SLC14A2: variants seen among roughly 807,000 people sequenced by gnomAD.
SLC14A2 encodes the protein solute carrier family 14 member 2.
Under a neutral mutation model 104.6 loss-of-function variants are expected in SLC14A2, and 91 were observed. The ratio of observed to expected loss-of-function variants is 0.87; its 90% CI spans 0.73 to 1.04. The LOEUF is 1.04. SLC14A2 is among the 50% of genes least tolerant of loss of function. The pLI, the probability that SLC14A2 is intolerant of heterozygous loss-of-function variation, is 0.00. For synonymous variants in SLC14A2, 476 were observed against 466.4 expected (o/e 1.02, Z -0.27); for missense variants, 1,189 against 1,156.0 (o/e 1.03, Z -0.41).
chr18:45,537,630 G>A (rs539598428), intron 2 of SLC14A2, among the ~76,000 whole-genome samples: 52 of 152,200 alleles, frequency 3.4e-4, no homozygotes, highest in Non-Finnish European at 6.3e-4. Flanking sequence ...AAATGAGGAA[G>A]CCATTGGTGA....
chr18:45,500,575 TC>T (rs1288489571), intron 2 of SLC14A2, among the ~76,000 whole-genome samples: 15 of 28,434 alleles, frequency 5.3e-4, no homozygotes, highest in African/African-American at 1.5e-3. Context: ...AGACTCCGTC[TC>T]AAAAAAAAAA....
the SLC14A2 span, among the ~76,000 whole-genome samples, chr18:45,194,328 G>A: frequency 6.6e-6 from 1 of 152,042 alleles, no homozygotes; most frequent in Admixed American, 6.6e-5. Flanking sequence ...GTTAGTTGTC[G>A]ACTTTTTTGT....
chr18:45,543,358 ATTATC>A (rs577384651), intron 2 of SLC14A2, among the ~76,000 whole-genome samples: 162 of 152,124 alleles, frequency 1.1e-3, no homozygotes, highest in African/African-American at 3.7e-3. Flanking sequence ...ATAAAATTAT[ATTATC>A]TTATATATTT....
At chr18:45,577,800 T>C (rs1034447181) in intron 2 of SLC14A2, among the ~76,000 whole-genome samples, 16 of 152,102 alleles carry the variant, frequency 1.1e-4, no homozygotes, top group African/African-American at 2.9e-4. Context: ...ATGAATAATA[T>C]AAAGAAAGGA....
chr18:45,431,063 G>C (rs1224027475), intron 1 of SLC14A2, among the ~76,000 whole-genome samples: 2 of 152,160 alleles, frequency 1.3e-5, no homozygotes, highest in African/African-American at 4.8e-5. Context: ...ATCTACTTTA[G>C]ATCATTTACC....
At chr18:45,609,598 C>T (rs1395906265) in intron 2 of SLC14A2, among the ~76,000 whole-genome samples, 1 of 152,186 alleles carries the variant, frequency 6.6e-6, no homozygotes, top group African/African-American at 2.4e-5. Context: ...TTCACCTCAA[C>T]CTAAGTCCAG....
intron 1 of SLC14A2, among the ~76,000 whole-genome samples, chr18:45,295,124 G>T (rs1479438947): frequency 6.6e-6 from 1 of 152,140 alleles, no homozygotes; most frequent in Non-Finnish European, 1.5e-5. Flanking sequence ...TGGTAAGTGG[G>T]GCTGGAGTTG....
intron 1 of SLC14A2, among the ~76,000 whole-genome samples, chr18:45,470,107 C>T (rs2087219614): frequency 1.3e-5 from 2 of 152,060 alleles, no homozygotes; most frequent in South Asian, 4.2e-4. Context: ...ATATGTACTG[C>T]CTTTTAGCTT....
intron 1 of SLC14A2, among the ~76,000 whole-genome samples, chr18:45,412,300 A>G (rs2086224007): frequency 6.6e-6 from 1 of 152,170 alleles, no homozygotes. Context: ...TGTACCTCCC[A>G]TAGGTATTTT....
chr18:45,439,000 C>T, intron 1 of SLC14A2, among the ~76,000 whole-genome samples: 1 of 152,152 alleles, frequency 6.6e-6, no homozygotes, highest in East Asian at 1.9e-4. Flanking sequence ...AAAACCCAGA[C>T]AGGCTAGACA....
intron 1 of SLC14A2, among the ~76,000 whole-genome samples, chr18:45,392,966 T>A (rs1467221044): frequency 1.3e-5 from 2 of 152,226 alleles, no homozygotes; most frequent in Admixed American, 1.3e-4. Context: ...TTGTTTAATG[T>A]CAGTTTTATC....
intron 1 of SLC14A2, among the ~76,000 whole-genome samples, chr18:45,481,398 G>A (rs2087490392): frequency 6.6e-6 from 1 of 152,098 alleles, no homozygotes; most frequent in Non-Finnish European, 1.5e-5. Flanking sequence ...ATTTGAAAGT[G>A]CCGCAAATTA....
chr18:45,674,511 A>G (rs2046194613), intron 18 of SLC14A2, among the ~76,000 whole-genome samples: 1 of 152,322 alleles, frequency 6.6e-6, no homozygotes, highest in Non-Finnish European at 1.5e-5. Flanking sequence ...TACGAACTCT[A>G]AACAAGATAC....
Position 45,255,134 on chromosome 18 carries a change from C to T in SLC14A2, c.-125+41943C>T, listed in dbSNP as rs369607715. Among the ~76,000 whole-genome samples the T allele has an allele frequency of 5.9e-4, 90 of 152,250 alleles. No homozygotes were observed. In the South Asian group the frequency reaches 0.018, roughly 30 times the overall value. Reference sequence around the variant, plus strand: ...CTCTCTCTTCTTTTCCCATTCCCCCCGAACACACTGTGCTACCCTTTCTCT... The same window carrying T: ...CTCTCTCTTCTTTTCCCATTCCCCCTGAACACACTGTGCTACCCTTTCTCT... On this transcript the variant is annotated intron_variant, in intron 1 of 20. Transcript: ENST00000586448.
chr18:45,186,386 C>T, the SLC14A2 span, among the ~76,000 whole-genome samples: 8 of 152,044 alleles, frequency 5.3e-5, no homozygotes, highest in South Asian at 6.2e-4. Context: ...ATATATGGTA[C>T]GAAACAACTG....
chr18:45,520,975 T>A (rs2043508898), intron 2 of SLC14A2, among the ~76,000 whole-genome samples: 1 of 152,086 alleles, frequency 6.6e-6, no homozygotes, highest in South Asian at 2.1e-4. Context: ...TGGGCCTTCC[T>A]CCTCCCACCA....
intron 1 of SLC14A2, among the ~76,000 whole-genome samples, chr18:45,328,365 A>G (rs1451915346): frequency 1.3e-5 from 2 of 152,194 alleles, no homozygotes; most frequent in Non-Finnish European, 2.9e-5. Flanking sequence ...CCACAGGGCC[A>G]GAGACAGGAA....
At chr18:45,408,140 G>T (rs763552030) in intron 1 of SLC14A2, among the ~76,000 whole-genome samples, 1 of 152,154 alleles carries the variant, frequency 6.6e-6, no homozygotes, top group Non-Finnish European at 1.5e-5. Flanking sequence ...TGGAAATCGG[G>T]CCGCCTTTCT....
chr18:45,225,902 G>A (rs1024071635), intron 1 of SLC14A2, among the ~76,000 whole-genome samples: 3 of 151,968 alleles, frequency 2.0e-5, no homozygotes, highest in African/African-American at 7.3e-5. Flanking sequence ...GAGACAATGG[G>A]GTTTTCTACA....
Sources: allele counts gnomAD v4.1 joint callset (sites outside exome capture counted in the v4.1 genomes callset), GRCh38; gene constraint gnomAD v4.1.1; transcripts MANE v1.5; gene names NCBI Gene and HGNC (gene_info 2026-07-23, HGNC 2026-07-21).